Variants in ACSF3 observed in about 807,000 individuals in gnomAD.
ACSF3 encodes the protein acyl-CoA synthetase family member 3.
Under a neutral mutation model 53.2 loss-of-function variants are expected in ACSF3, and 78 were observed. The ratio of observed to expected loss-of-function variants is 1.47; its 90% CI spans 1.22 to 1.77. The LOEUF (loss-of-function observed/expected upper bound fraction) is 1.77. ACSF3 is among the 40% of genes most tolerant of loss of function. ACSF3 has a pLI of 0.00. For missense variants in ACSF3, 937 were observed against 771.1 expected, an observed-to-expected ratio of 1.22 and a Z score of -2.55; for synonymous variants, 414 against 333.1, an observed-to-expected ratio of 1.24 and a Z score of -2.65.
At chr16:89,141,402 A>G in intron 8 of ACSF3, 2 of 1,064,514 alleles carry the variant, frequency 1.9e-6, no homozygotes, top group Admixed American at 5.0e-5. Context: ...CAGGGCTGGG[A>G]GGGAAGCAGC....
rs1317545897 is a variant in ACSF3 at position 89,093,917 on chromosome 16, A to T, written c.-273A>T. 4 of 327,620 alleles carry T rather than the reference A, an allele frequency of 1.2e-5. No homozygotes were observed. Among genetic ancestry groups the T allele is most frequent in the Non-Finnish European group, 2.5e-5 (4 of 157,104 alleles). 20.3% of individuals were successfully genotyped at this position (327,620 alleles called of 1,614,324 possible). On this transcript the variant is annotated 5_prime_UTR_variant, in exon 1 of 11. Transcript: ENST00000614302. ...CGGGACCCGGCCGGAACCCGGCCCG[A>T]CCCCGGCGCGCGCGCGGCGGAGGAC...
At chr16:89,095,876 T>G (rs777601311) in intron 1 of ACSF3, among the ~76,000 whole-genome samples, 1 of 152,028 alleles carries the variant, frequency 6.6e-6, no homozygotes, top group Non-Finnish European at 1.5e-5. Context: ...AGTGAGGAAA[T>G]GAGGACAAAG....
intron 2 of ACSF3, among the ~76,000 whole-genome samples, chr16:89,099,858 A>G (rs974515202): frequency 6.6e-6 from 1 of 151,866 alleles, no homozygotes; most frequent in East Asian, 1.9e-4. Context: ...GAAAGGAAAA[A>G]AAGGTGAGAG....
At chr16:89,104,461 G>A (rs1463899344) in intron 4 of ACSF3, among the ~76,000 whole-genome samples, 2 of 152,224 alleles carry the variant, frequency 1.3e-5, no homozygotes, top group Non-Finnish European at 2.9e-5. Context: ...CTCTTGCCAG[G>A]ACTCTTCCTG....
At position 89,153,908 on chromosome 16, in the gene ACSF3, C is replaced by G. The variant is rs545938100; in HGVS notation, c.1614-182C>G. On this transcript the variant is annotated intron_variant, in intron 10 of 10. Coordinates refer to ENST00000614302, the MANE Select transcript of ACSF3 (RefSeq NM_001243279.3). The stretch of plus-strand genomic sequence containing the variant: ...CCGGGCACCTCCTGCAGTCACCACC[C>G]CTGGGCTGCTAGGGCAGAGACAGCT... The G allele has an allele frequency of 6.2e-6, 4 of 645,698 alleles. No homozygotes were observed. In the East Asian group the frequency reaches 1.1e-4, roughly 18 times the overall value. 40.0% of individuals were successfully genotyped at this position (645,698 alleles called of 1,614,324 possible).
chr16:89,118,168 G>T (rs1905662581), intron 6 of ACSF3, among the ~76,000 whole-genome samples: 1 of 86,164 alleles, frequency 1.2e-5, no homozygotes, highest in African/African-American at 4.0e-5. Flanking sequence ...GAGCCTGACG[G>T]CAGGTTCCCT....
chr16:89,111,080 G>A (rs1383072524), intron 4 of ACSF3, among the ~76,000 whole-genome samples: 1 of 152,058 alleles, frequency 6.6e-6, no homozygotes, highest in Non-Finnish European at 1.5e-5. Flanking sequence ...TCTTCCCCAC[G>A]TTGTTCATCT....
rs1907930552 is a variant in ACSF3, at chr16:89,125,849, G to A, written c.1239+4936G>A. ...TTACTTAGATCCGTGAACACGGTGTGTCTCTCCGTTTACTTAGATCCGTGA... is the reference window on the plus strand; with the variant it reads ...TTACTTAGATCCGTGAACACGGTGTATCTCTCCGTTTACTTAGATCCGTGA... On this transcript the variant is annotated intron_variant, in intron 7 of 10. Coordinates refer to ENST00000614302, the MANE Select transcript of ACSF3 (RefSeq NM_001243279.3). Among the ~76,000 whole-genome samples the A allele has an allele frequency of 2.0e-5, 3 of 152,190 alleles. No individual in the cohort carries two copies. The South Asian group carries it at 6.2e-4, about 31-fold the overall frequency.
chr16:89,153,160 A>G (rs1418206753), intron 10 of ACSF3: 1 of 152,706 alleles, frequency 6.5e-6, no homozygotes, highest in Non-Finnish European at 1.5e-5. Context: ...AACCAGAACA[A>G]TCGCCATGAA....
intron 4 of ACSF3, among the ~76,000 whole-genome samples, chr16:89,105,352 C>T (rs900580114): frequency 2.6e-5 from 4 of 152,170 alleles, no homozygotes; most frequent in Non-Finnish European, 4.4e-5. Flanking sequence ...CCTTGCGGCT[C>T]TCTCTGGGGT....
intron 6 of ACSF3, among the ~76,000 whole-genome samples, chr16:89,119,227 C>T (rs1906002074): frequency 1.3e-5 from 2 of 152,206 alleles, no homozygotes; most frequent in Non-Finnish European, 2.9e-5. Context: ...TGTGGGACGG[C>T]CACACGGCCT....
intron 1 of ACSF3, among the ~76,000 whole-genome samples, chr16:89,097,637 A>G (rs1974776516): frequency 6.6e-6 from 1 of 152,210 alleles, no homozygotes; most frequent in African/African-American, 2.4e-5. Context: ...TGAAGCTGGC[A>G]CAGCCCACGT....
intron 8 of ACSF3, among the ~76,000 whole-genome samples, chr16:89,141,515 C>T (rs1357785194): frequency 6.6e-6 from 1 of 152,220 alleles, no homozygotes; most frequent in Admixed American, 6.5e-5. Flanking sequence ...GTTTGTGCAG[C>T]AGGATGGACC....
intron 6 of ACSF3, among the ~76,000 whole-genome samples, chr16:89,118,148 C>T (rs1014542410): frequency 2.7e-5 from 4 of 148,946 alleles, no homozygotes; most frequent in African/African-American, 1.0e-4. Flanking sequence ...GCTCTCTCTT[C>T]TCTAAGGCAG....
intron 6 of ACSF3, among the ~76,000 whole-genome samples, chr16:89,115,936 T>C (rs1353040458): frequency 1.3e-5 from 2 of 152,248 alleles, no homozygotes; most frequent in Non-Finnish European, 2.9e-5. Flanking sequence ...CAGCTTGTGG[T>C]TTGTCTTCCC....
At chr16:89,125,722 T>C (rs898509546) in intron 7 of ACSF3, among the ~76,000 whole-genome samples, 3 of 98,772 alleles carry the variant, frequency 3.0e-5, no homozygotes, top group Non-Finnish European at 7.0e-5. Context: ...GAGAGAGATG[T>C]TGATTGGAAT....
At chr16:89,116,644 C>T (rs528641517) in intron 6 of ACSF3, among the ~76,000 whole-genome samples, 72 of 152,228 alleles carry the variant, frequency 4.7e-4, no homozygotes, top group Non-Finnish European at 8.4e-4. Context: ...AGTGCAGTGC[C>T]TGCTGCAACA....
chr16:89,108,174 G>A (rs1270044596), intron 4 of ACSF3, among the ~76,000 whole-genome samples: 3 of 152,170 alleles, frequency 2.0e-5, no homozygotes, highest in Non-Finnish European at 4.4e-5. Context: ...ACAACACGTG[G>A]GAATTCTGGG....
At chr16:89,101,706 C>T (rs913453783) in intron 3 of ACSF3, among the ~76,000 whole-genome samples, 6 of 152,240 alleles carry the variant, frequency 3.9e-5, no homozygotes, top group Admixed American at 6.5e-5. Context: ...CACATACACC[C>T]GGGTCTTACT....
Sources: allele counts gnomAD v4.1 joint callset (sites outside exome capture counted in the v4.1 genomes callset), GRCh38; gene constraint gnomAD v4.1.1; transcripts MANE v1.5; gene names NCBI Gene and HGNC (gene_info 2026-07-23, HGNC 2026-07-21).